OTUD7A: variants seen among roughly 807,000 people sequenced by gnomAD.
OTUD7A encodes the protein OTU domain-containing protein 7A.
A neutral mutation model predicts 65.7 loss-of-function variants in OTUD7A; 12 were observed. The ratio of observed to expected loss-of-function variants is 0.18; its 90% CI spans 0.12 to 0.30. The LOEUF is 0.30. Ranked by LOEUF, OTUD7A falls within the 10% of genes least tolerant of loss-of-function variation. The pLI is 1.00. For synonymous variants in OTUD7A, 641 were observed against 586.3 expected (o/e 1.09, Z -1.35); for missense variants, 1,148 against 1,304.8 (o/e 0.88, Z 1.85).
At chr15:31,510,580 A>T (rs1183988706) in intron 8 of OTUD7A, among the ~76,000 whole-genome samples, 1 of 71,894 alleles carries the variant, frequency 1.4e-5, no homozygotes, top group African/African-American at 4.8e-5. Flanking sequence ...ATCTATATGT[A>T]ACATACATAT....
intron 1 of OTUD7A, among the ~76,000 whole-genome samples, chr15:31,662,218 AT>A (rs1388743306): frequency 2.6e-5 from 4 of 152,268 alleles, no homozygotes; most frequent in Non-Finnish European, 5.9e-5. Context: ...TTCTTTATTT[AT>A]TAGCTGGAAT....
intron 1 of OTUD7A, among the ~76,000 whole-genome samples, chr15:31,781,687 C>A (rs945141437): frequency 6.6e-6 from 1 of 152,156 alleles, no homozygotes; most frequent in African/African-American, 2.4e-5. Context: ...GTGATTGCAG[C>A]CTCAGGGATG....
intron 1 of OTUD7A, among the ~76,000 whole-genome samples, chr15:31,782,840 A>G (rs554092263): frequency 5.8e-4 from 89 of 152,340 alleles, no homozygotes; most frequent in African/African-American, 2.0e-3. Flanking sequence ...GGCTGACAGC[A>G]GGATCAGAGG....
In OTUD7A at chr15:31,724,613, A is replaced by T. The variant is rs561186399; in HGVS notation, c.-99-67536T>A. Among the ~76,000 whole-genome samples, 10 of 152,276 alleles carry T rather than the reference A, an allele frequency of 6.6e-5. No individual in the cohort carries two copies. The East Asian group carries it at 1.9e-3, about 29-fold the overall frequency. Reference sequence around the variant, plus strand: ...GGAACTGGGATTGTTTCTGCTACTCACAGAATGGGGGCATACATAGAAGCT... The same window carrying T: ...GGAACTGGGATTGTTTCTGCTACTCTCAGAATGGGGGCATACATAGAAGCT... On this transcript the variant is annotated intron_variant, in intron 1 of 12. Coordinates refer to ENST00000307050, the MANE Select transcript of OTUD7A (RefSeq NM_001382637.1).
chr15:31,484,745 G>A lies in OTUD7A; in HGVS notation c.1372-21C>T, dbSNP rs778727714. 15 of 1,586,372 alleles carry A rather than the reference G, an allele frequency of 9.5e-6. No individual in the cohort carries two copies. Among genetic ancestry groups the A allele is most frequent in the African/African-American group, 4.0e-5 (3 of 74,776 alleles). ...GGCGCCTGTGTGGAGAGGGAGGGCC[G>A]GATCGAAGGTGGTTAGAGAAGAGCT... On this transcript the variant is annotated intron_variant, in intron 12 of 12. Transcript: ENST00000307050. The surrounding 1 kb of genome is among the most constrained non-coding windows in gnomAD (Gnocchi z 4.5).
intron 1 of OTUD7A, among the ~76,000 whole-genome samples, chr15:31,855,701 G>C (rs1487193105): frequency 6.6e-6 from 1 of 152,184 alleles, no homozygotes; most frequent in Non-Finnish European, 1.5e-5. Flanking sequence ...ATAGGGAAAT[G>C]GGTGGGAGGA....
intron 3 of OTUD7A, among the ~76,000 whole-genome samples, chr15:31,593,017 C>G (rs151236302): frequency 3.8e-5 from 5 of 132,432 alleles, no homozygotes; most frequent in Non-Finnish European, 6.2e-5. Context: ...AAAAGTATAG[C>G]ATAGTAAATA....
At chr15:31,528,087 A>G (rs1456221608) in intron 6 of OTUD7A, among the ~76,000 whole-genome samples, 2 of 152,198 alleles carry the variant, frequency 1.3e-5, no homozygotes, top group Non-Finnish European at 2.9e-5. Context: ...CTGGGAATAT[A>G]TGTGGCAGTG....
intron 1 of OTUD7A, among the ~76,000 whole-genome samples, chr15:31,731,798 T>C (rs1183523782): frequency 6.6e-6 from 1 of 152,102 alleles, no homozygotes; most frequent in Non-Finnish European, 1.5e-5. Context: ...TATGCATGTG[T>C]GGGGTTGGGG....
intron 1 of OTUD7A, among the ~76,000 whole-genome samples, chr15:31,860,675 G>GTGTATATATATATATATATATATGTA (rs1897705717): frequency 1.5e-4 from 2 of 13,118 alleles, no homozygotes; most frequent in African/African-American, 2.4e-4. Context: ...AGATGTATGT[G>GTGTATATATATATATATATATATGTA]TGTATATATA....
intron 1 of OTUD7A, among the ~76,000 whole-genome samples, chr15:31,702,423 AC>A (rs1196438495): frequency 1.3e-5 from 2 of 150,196 alleles, no homozygotes; most frequent in East Asian, 3.9e-4. Context: ...AGGTCACATG[AC>A]ACAAGGTCAA....
intron 3 of OTUD7A, among the ~76,000 whole-genome samples, chr15:31,653,190 G>A (rs1891890218): frequency 6.6e-6 from 1 of 151,826 alleles, no homozygotes; most frequent in Non-Finnish European, 1.5e-5. Context: ...AGGAGGCGGA[G>A]GTTGCAATGA....
chr15:31,865,275 A>G (rs902069556), intron 1 of OTUD7A, among the ~76,000 whole-genome samples: 1 of 152,254 alleles, frequency 6.6e-6, no homozygotes, highest in Non-Finnish European at 1.5e-5. Flanking sequence ...TGTTGCCCAC[A>G]CTACAATAAC....
intron 1 of OTUD7A, among the ~76,000 whole-genome samples, chr15:31,811,030 G>A (rs1344654995): frequency 4.6e-5 from 7 of 152,172 alleles, no homozygotes; most frequent in African/African-American, 1.4e-4. Flanking sequence ...CTCAAAGCAG[G>A]GTCCAGGATC....
chr15:31,728,399 G>A (rs987844939), intron 1 of OTUD7A, among the ~76,000 whole-genome samples: 8 of 152,108 alleles, frequency 5.3e-5, no homozygotes, highest in African/African-American at 7.2e-5. Flanking sequence ...TCCATTTTCC[G>A]TTTAGTGATC....
intron 3 of OTUD7A, among the ~76,000 whole-genome samples, chr15:31,594,764 C>T (rs1889853526): frequency 1.3e-5 from 2 of 152,194 alleles, no homozygotes; most frequent in South Asian, 2.1e-4. Flanking sequence ...CCCAGGTTGC[C>T]TGGTGCAGAA....
intron 3 of OTUD7A, among the ~76,000 whole-genome samples, chr15:31,634,501 C>T (rs938083959): frequency 3.3e-5 from 5 of 152,206 alleles, no homozygotes; most frequent in Admixed American, 6.5e-5. Flanking sequence ...TGTGTTCTGC[C>T]GGGATGTTCT....
intron 1 of OTUD7A, among the ~76,000 whole-genome samples, chr15:31,759,457 C>T (rs987714435): frequency 6.6e-6 from 1 of 152,256 alleles, no homozygotes; most frequent in African/African-American, 2.4e-5. Flanking sequence ...TGTCACTTCT[C>T]ACACTTTCCT....
intron 1 of OTUD7A, among the ~76,000 whole-genome samples, chr15:31,689,820 A>G (rs1460308424): frequency 6.6e-6 from 1 of 152,062 alleles, no homozygotes; most frequent in African/African-American, 2.4e-5. Context: ...AGGGGAGGGG[A>G]CTGTGCTTCT....
Sources: allele counts gnomAD v4.1 joint callset (sites outside exome capture counted in the v4.1 genomes callset), GRCh38; gene constraint gnomAD v4.1.1; non-coding constraint Gnocchi (gnomAD v3.1); transcripts MANE v1.5; gene names NCBI Gene and HGNC (gene_info 2026-07-23, HGNC 2026-07-21).